The following PDE9A variants were observed in gnomAD, a reference collection of about 807,000 sequenced individuals.
PDE9A encodes the protein phosphodiesterase 9A.
A neutral mutation model predicts 87.4 loss-of-function variants in PDE9A; 60 were observed. The observed-to-expected ratio is 0.69, with a 90% CI of 0.56 to 0.85. The LOEUF (loss-of-function observed/expected upper bound fraction) is 0.85, where lower values mean the gene tolerates loss of function less well. Among genes scored for constraint, PDE9A ranks in the 40% least tolerant of loss-of-function variants. The pLI is 0.00. For missense variants in PDE9A, 665 were observed against 779.0 expected (o/e 0.85, Z 1.74); for synonymous variants, 272 against 279.4 (o/e 0.97, Z 0.27).
intron 17 of PDE9A, among the ~76,000 whole-genome samples, chr21:42,769,822 C>G (rs1014625080): frequency 1.3e-5 from 2 of 152,050 alleles, no homozygotes; most frequent in African/African-American, 4.8e-5. Flanking sequence ...TGAGCAGCCT[C>G]TTCCCCGGCT....
chr21:42,718,120 C>T (rs373389003), intron 4 of PDE9A, among the ~76,000 whole-genome samples: 18 of 151,550 alleles, frequency 1.2e-4, no homozygotes, highest in African/African-American at 4.1e-4. Flanking sequence ...AGGCTGGTCT[C>T]GAACTCTTGA....
intron 1 of PDE9A, among the ~76,000 whole-genome samples, chr21:42,683,549 AGGCCTCCGG>A (rs546691847): frequency 3.5e-4 from 54 of 152,198 alleles, no homozygotes; most frequent in African/African-American, 1.3e-3. Context: ...GGATCCCCCC[AGGCCTCCGG>A]GGCCGCCTGG....
intron 2 of PDE9A, 26 bp downstream of exon 2, chr21:42,686,288 C>T (rs772270232): frequency 1.9e-6 from 3 of 1,598,220 alleles, no homozygotes; most frequent in Non-Finnish European, 1.7e-6. Flanking sequence ...GGGCTCTGCC[C>T]GGTGACGCCA....
intron 1 of PDE9A, among the ~76,000 whole-genome samples, chr21:42,680,311 C>G (rs755481997): frequency 8.5e-5 from 13 of 152,218 alleles, no homozygotes; most frequent in Non-Finnish European, 1.5e-4. Context: ...TAAGGCAGCC[C>G]CCTGCTCCAG....
rs1491107392 is a variant in PDE9A at position 42,704,434 on chromosome 21, A to ACACACACACACT, written c.262+5434_262+5435insTCACACACACAC. The stretch of plus-strand genomic sequence containing the variant: ...AGGTAGACCCCCCCCACCCCACCAA[A>ACACACACACACT]CACACACACACACACACACACACAC... On this transcript the variant is annotated intron_variant, in intron 4 of 19. Transcript: ENST00000291539. This position sits in a 1 kb window ranked among gnomAD's most constrained non-coding sequence, Gnocchi z 5.3. 1.2e-4 allele frequency among the ~76,000 whole-genome samples: 2 copies of ACACACACACACT among 16,246 alleles called. No homozygotes were observed. The highest frequency in any genetic ancestry group is 2.5e-3 in the African/African-American group (2 of 810). The allele number at this position is 16,246 out of a possible 152,430, so 10.7% of individuals were successfully genotyped here.
chr21:42,692,375 G>A lies in PDE9A; in HGVS notation c.218+4381G>A, dbSNP rs1408928560. Among the ~76,000 whole-genome samples the A allele has an allele frequency of 1.3e-5, 2 of 152,172 alleles. No homozygotes were observed. The highest frequency in any genetic ancestry group is 4.1e-4 in the South Asian group (2 of 4,834). ...GCCAATGGCATCCTACAGCGCACAGGACAGGCCCACAACAATGACACACGT... is the reference window on the plus strand; with the variant it reads ...GCCAATGGCATCCTACAGCGCACAGAACAGGCCCACAACAATGACACACGT... On this transcript the variant is annotated intron_variant, in intron 3 of 19. Coordinates refer to ENST00000291539, the MANE Select transcript of PDE9A (RefSeq NM_002606.3). The surrounding 1 kb of genome is among the most constrained non-coding windows in gnomAD (Gnocchi z 4.3).
intron 4 of PDE9A, among the ~76,000 whole-genome samples, chr21:42,713,081 A>T (rs904501308): frequency 6.6e-6 from 1 of 152,082 alleles, no homozygotes; most frequent in Non-Finnish European, 1.5e-5. Context: ...AAATGTAACA[A>T]AGTATATGTA....
intron 4 of PDE9A, among the ~76,000 whole-genome samples, chr21:42,701,383 C>A (rs559249769): frequency 6.6e-5 from 10 of 150,988 alleles, no homozygotes; most frequent in African/African-American, 2.4e-4. Flanking sequence ...CTTCTGACAA[C>A]AAATTCCTTC....
intron 15 of PDE9A, 28 bp downstream of exon 15, chr21:42,765,522 C>A: frequency 7.4e-7 from 1 of 1,343,868 alleles, no homozygotes; most frequent in Non-Finnish European, 1.1e-6. Context: ...CCTGGGTGGG[C>A]AGCCAGGCGG....
At chr21:42,758,891 C>T in intron 10 of PDE9A, 108 bp from the exon 11 acceptor site, 1 of 779,138 alleles carries the variant, frequency 1.3e-6, no homozygotes, top group Non-Finnish European at 2.2e-6. Context: ...AACCCACCTC[C>T]TGCCAACGGC....
chr21:42,676,030 G>A (rs1240572406), intron 1 of PDE9A, among the ~76,000 whole-genome samples: 1 of 152,054 alleles, frequency 6.6e-6, no homozygotes, highest in East Asian at 1.9e-4. Flanking sequence ...GAAGGTAGAA[G>A]GCATCTCCTC....
At chr21:42,669,950 C>T (rs1372909258) in intron 1 of PDE9A, among the ~76,000 whole-genome samples, 1 of 152,176 alleles carries the variant, frequency 6.6e-6, no homozygotes, top group East Asian at 1.9e-4. Flanking sequence ...GGCATGCCAG[C>T]ATCACCTTCA....
intron 4 of PDE9A, among the ~76,000 whole-genome samples, chr21:42,720,129 C>G (rs1413603966): frequency 6.6e-6 from 1 of 152,206 alleles, no homozygotes; most frequent in African/African-American, 2.4e-5. Flanking sequence ...GTACAACCAG[C>G]TGGTGGCTCC....
chr21:42,655,160 G>A (rs1406046735), intron 1 of PDE9A, among the ~76,000 whole-genome samples: 2 of 149,590 alleles, frequency 1.3e-5, no homozygotes, highest in African/African-American at 2.6e-5. Context: ...ACACACACAC[G>A]CACACACGTG....
chr21:42,670,314 C>CCA (rs750294735), intron 1 of PDE9A, among the ~76,000 whole-genome samples: 4 of 116,702 alleles, frequency 3.4e-5, no homozygotes, highest in East Asian at 2.4e-4. Flanking sequence ...CACTTAGACA[C>CCA]CACACTCACA....
intron 4 of PDE9A, among the ~76,000 whole-genome samples, chr21:42,727,489 A>ATTTTTTTTTTTTTTTTTTTTT: frequency 1.1e-5 from 1 of 88,340 alleles, no homozygotes; most frequent in Non-Finnish European, 2.0e-5. Flanking sequence ...ACGCCTGGCT[A>ATTTTTTTTTTTTTTTTTTTTT]TTTTTTTTTT....
chr21:42,757,327 T>C (rs1168563243), intron 10 of PDE9A: 3 of 152,292 alleles, frequency 2.0e-5, no homozygotes, highest in Non-Finnish European at 4.4e-5. Flanking sequence ...GTTTTCCAGA[T>C]AGATTTTCTG....
At chr21:42,743,636 C>CA in intron 7 of PDE9A, 140 bp from the exon 8 acceptor site, 1 of 611,804 alleles carries the variant, frequency 1.6e-6, no homozygotes, top group South Asian at 1.9e-5. Flanking sequence ...TGAGTATCGG[C>CA]AGCCAGGGCA....
rs117542467 is a variant in PDE9A, at chr21:42,681,049, C to T, written c.70-5143C>T. Reference sequence around the variant, plus strand: ...TTCGTGGCAACTGAAATGATACAAACTTGAACTTTGTGTCAAACCAGTAGT... The same window carrying T: ...TTCGTGGCAACTGAAATGATACAAATTTGAACTTTGTGTCAAACCAGTAGT... On this transcript the variant is annotated intron_variant, in intron 1 of 19. Transcript: ENST00000291539. Among the ~76,000 whole-genome samples, 458 of 152,360 alleles carry T rather than the reference C, an allele frequency of 3.0e-3. 1 individual carries two copies. The highest frequency in any genetic ancestry group is 4.6e-3 in the Non-Finnish European group (315 of 68,036).
Sources: gnomAD v4.1 joint callset for allele counts (sites outside exome capture counted in the v4.1 genomes callset) on GRCh38, gnomAD v4.1.1 for gene constraint, Gnocchi (gnomAD v3.1) non-coding constraint, MANE v1.5 for transcripts, NCBI Gene and HGNC (gene_info 2026-07-23, HGNC 2026-07-21) for gene names.